The following TENT5D variants were observed in gnomAD, a reference collection of about 807,000 sequenced individuals.
The protein encoded by TENT5D is cancer/testis antigen 112.
For synonymous variants in TENT5D, 103 were observed against 100.6 expected, an observed-to-expected ratio of 1.02 and a Z score of -0.15; for missense variants, 191 against 287.0, an observed-to-expected ratio of 0.67 and a Z score of 2.42.
chrX:80,408,468 A>C (rs1453754436), intron 3 of TENT5D, among the ~76,000 whole-genome samples: 2 of 109,688 alleles, frequency 1.8e-5, no homozygotes, highest in African/African-American at 3.3e-5. Context: ...TACTACAAAC[A>C]CCTCTACGCA....
intron 3 of TENT5D, among the ~76,000 whole-genome samples, chrX:80,360,508 G>A (rs747920731): frequency 8.9e-6 from 1 of 112,085 alleles, no homozygotes; most frequent in East Asian, 2.8e-4. Flanking sequence ...CAGAATTTTG[G>A]AATAAAATAA....
chrX:80,363,218 T>C (rs1034795885), intron 3 of TENT5D, among the ~76,000 whole-genome samples: 1 of 111,957 alleles, frequency 8.9e-6, no homozygotes, highest in Non-Finnish European at 1.9e-5. Flanking sequence ...TATTTTAAAA[T>C]ACCATGACAT....
At chrX:80,361,912 G>A (rs1930413317) in intron 3 of TENT5D, among the ~76,000 whole-genome samples, 1 of 111,409 alleles carries the variant, frequency 9.0e-6, no homozygotes, top group Admixed American at 9.5e-5. Flanking sequence ...GCTGAGGTTT[G>A]GGATATGTGA....
chrX:80,417,154 G>T (rs979306926), upstream of TENT5D, among the ~76,000 whole-genome samples: 5 of 110,416 alleles, frequency 4.5e-5, no homozygotes, highest in African/African-American at 1.3e-4. Flanking sequence ...CCATTTGTAT[G>T]AAAGATTTTT....
intron 3 of TENT5D, among the ~76,000 whole-genome samples, chrX:80,404,405 G>A (rs1043256957): frequency 1.4e-4 from 16 of 111,230 alleles, no homozygotes; most frequent in African/African-American, 4.9e-4. Context: ...TCCATAAACC[G>A]GTTTGTAACC....
At position 80,391,507 on chromosome X, in the gene TENT5D, A is replaced by G. The variant is rs1931126816; in HGVS notation, c.-141-47103A>G. 8.0e-5 allele frequency among the ~76,000 whole-genome samples: 9 copies of G among 111,936 alleles called. No individual in the cohort carries two copies. In the Admixed American group the frequency reaches 8.6e-4, roughly 11 times the overall value. ...ACTTAAAGTAAAAACTTCTTTCTAA[A>G]TCATCATGCATTCTTCATTTCTTAA... is the stretch of plus-strand genomic sequence containing the variant. On this transcript the variant is annotated intron_variant, in intron 3 of 4. Coordinates refer to the TENT5D transcript ENST00000538312.
chrX:80,400,995 A>G (rs1931380332), intron 3 of TENT5D, among the ~76,000 whole-genome samples: 1 of 112,002 alleles, frequency 8.9e-6, no homozygotes, highest in African/African-American at 3.2e-5. Context: ...GAATCTGTAG[A>G]TCACTTTGAG....
chrX:80,392,311 A>G, intron 3 of TENT5D, among the ~76,000 whole-genome samples: 1 of 109,051 alleles, frequency 9.2e-6, no homozygotes, highest in East Asian at 2.9e-4. Context: ...GCTCTTTTTA[A>G]TAATAATCTC....
At chrX:80,429,776 A>T (rs1324005589) in intron 1 of TENT5D, among the ~76,000 whole-genome samples, 4 of 111,117 alleles carry the variant, frequency 3.6e-5, no homozygotes, top group Non-Finnish European at 5.7e-5. Context: ...CTGCTTTTGT[A>T]GTTTCCTTTT....
At chrX:80,384,377 C>A (rs1930945695) in intron 3 of TENT5D, among the ~76,000 whole-genome samples, 1 of 26,586 alleles carries the variant, frequency 3.8e-5, no homozygotes. Flanking sequence ...TTCAACAGCC[C>A]TTCATGCTAA....
chrX:80,364,741 ATTAG>A (rs1375072824), intron 3 of TENT5D, among the ~76,000 whole-genome samples: 4 of 109,912 alleles, frequency 3.6e-5, no homozygotes, highest in Non-Finnish European at 5.7e-5. Flanking sequence ...ATTACTATAT[ATTAG>A]TTAGAAGTTT....
At chrX:80,374,354 T>C (rs1930687601) in intron 3 of TENT5D, among the ~76,000 whole-genome samples, 1 of 111,580 alleles carries the variant, frequency 9.0e-6, no homozygotes, top group South Asian at 3.8e-4. Context: ...ATATACTCAG[T>C]AATGGGATTG....
At chrX:80,411,515 T>G (rs1378134866) in intron 3 of TENT5D, among the ~76,000 whole-genome samples, 4 of 112,075 alleles carry the variant, frequency 3.6e-5, no homozygotes, top group African/African-American at 1.3e-4. Flanking sequence ...CTTTTAACCT[T>G]TCTTGCCAAA....
At chrX:80,351,694 G>T (rs973102696) in intron 3 of TENT5D, among the ~76,000 whole-genome samples, 1 of 110,181 alleles carries the variant, frequency 9.1e-6, no homozygotes, top group African/African-American at 3.3e-5. Flanking sequence ...GCCCTTGCTG[G>T]AGAGGAGTTA....
intron 3 of TENT5D, among the ~76,000 whole-genome samples, chrX:80,400,696 A>G (rs897228214): frequency 9.0e-6 from 1 of 111,499 alleles, no homozygotes; most frequent in African/African-American, 3.3e-5. Flanking sequence ...GATGTTAGGG[A>G]TTTTTAGACT....
chrX:80,357,858 T>G (rs1475198027), intron 3 of TENT5D, among the ~76,000 whole-genome samples: 1 of 111,654 alleles, frequency 9.0e-6, no homozygotes, highest in Non-Finnish European at 1.9e-5. Flanking sequence ...CATTGCCAAG[T>G]CAATTCTAAG....
chrX:80,383,191 C>G (rs1930912276), intron 3 of TENT5D, among the ~76,000 whole-genome samples: 1 of 112,468 alleles, frequency 8.9e-6, no homozygotes, highest in Non-Finnish European at 1.9e-5. Context: ...AGTGCCCCTT[C>G]TATTAATTTA....
intron 3 of TENT5D, among the ~76,000 whole-genome samples, chrX:80,372,684 C>T (rs759777307): frequency 5.5e-5 from 6 of 109,584 alleles, no homozygotes; most frequent in Non-Finnish European, 9.5e-5. Context: ...GTCAGGAGTT[C>T]GAGAACAGCC....
Position 80,398,770 on chromosome X carries a change from G to C in TENT5D, c.-141-39840G>C, listed in dbSNP as rs964437789. Among the ~76,000 whole-genome samples, 6 of 107,843 alleles carry C rather than the reference G, an allele frequency of 5.6e-5. No individual in the cohort carries two copies. In the East Asian group the frequency reaches 1.7e-3, roughly 31 times the overall value. 93.6% of individuals were successfully genotyped at this position (107,843 alleles called of 115,157 possible). The stretch of plus-strand genomic sequence containing the variant: ...TCTGTTCTGTTCCATTGATCTATGT[G>C]TCTTTTTTTTTTATAATGCCAGTGC... On this transcript the variant is annotated intron_variant, in intron 3 of 4. Coordinates refer to the TENT5D transcript ENST00000538312.
Sources: allele counts gnomAD v4.1 joint callset (sites outside exome capture counted in the v4.1 genomes callset), GRCh38; gene constraint gnomAD v4.1.1; transcripts MANE v1.5; gene names NCBI Gene and HGNC (gene_info 2026-07-23, HGNC 2026-07-21).